WDR33: variants seen among roughly 807,000 people sequenced by gnomAD.
WDR33 encodes the protein WD repeat domain 33, also known as pre-mRNA 3' end processing protein WDR33.
In WDR33, 47 loss-of-function variants were observed where a neutral mutation model predicts 164.9. That is an observed-to-expected ratio of 0.29 (90% CI 0.23 to 0.36). WDR33 has a LOEUF of 0.36. Ranked by LOEUF, WDR33 falls within the 10% of genes least tolerant of loss-of-function variation. WDR33 has a pLI of 1.00. For synonymous variants in WDR33, 505 were observed against 589.0 expected (o/e 0.86, Z 2.06); for missense variants, 1,137 against 1,754.1 (o/e 0.65, Z 6.28).
chr2:127,717,780 T>G lies in WDR33; in HGVS notation c.2761-517A>C, dbSNP rs1328666248. The stretch of plus-strand genomic sequence containing the variant: ...CCCATGTATAAAATCTTTTACTACA[T>G]GGTACAATAAAAAATCTCATTGAAT... On this transcript the variant is annotated intron_variant, in intron 16 of 21. Transcript: ENST00000322313. The surrounding 1 kb of genome is among the most constrained non-coding windows in gnomAD (Gnocchi z 5.6). 6.6e-6 allele frequency among the ~76,000 whole-genome samples: 1 copy of G among 152,238 alleles called. No homozygotes were observed. The highest frequency in any genetic ancestry group is 2.4e-5 in the African/African-American group (1 of 41,464).
At chr2:127,755,562 T>A (rs543806037) in intron 7 of WDR33, among the ~76,000 whole-genome samples, 45 of 152,334 alleles carry the variant, frequency 3.0e-4, no homozygotes, top group African/African-American at 1.0e-3. Flanking sequence ...TATTTCTCAA[T>A]GGAAGCAGTA....
rs140393296 is a variant in WDR33 at position 127,751,096 on chromosome 2, C to A, written c.724+11966G>T. ...AGATTGATGGCAAGGCACGGTGGCTCATGCCTATAATCTCAGTACTTTGGA... is the reference window on the plus strand; with the variant it reads ...AGATTGATGGCAAGGCACGGTGGCTAATGCCTATAATCTCAGTACTTTGGA... On this transcript the variant is annotated intron_variant, in intron 7 of 21. Transcript: ENST00000322313. Among the ~76,000 whole-genome samples the A allele has an allele frequency of 8.4e-3, 1,284 of 152,020 alleles. 11 individuals carry two copies. Among genetic ancestry groups the A allele is most frequent in the Non-Finnish European group, 0.012 (813 of 67,980 alleles).
chr2:127,727,109 T>C (rs1686590008), intron 7 of WDR33, among the ~76,000 whole-genome samples: 2 of 152,168 alleles, frequency 1.3e-5, no homozygotes, highest in Admixed American at 6.5e-5. Context: ...TTGTTCCCGA[T>C]TACCCTGATT....
At chr2:127,793,263 T>A (rs962671765) in intron 1 of WDR33, among the ~76,000 whole-genome samples, 2 of 151,728 alleles carry the variant, frequency 1.3e-5, no homozygotes, top group Non-Finnish European at 2.9e-5. Flanking sequence ...AAACCCCGTC[T>A]CCACTAAAAA....
At position 127,705,603 on chromosome 2, in the gene WDR33, G is replaced by A. The variant is rs558024847; in HGVS notation, c.*720C>T. 6.6e-6 allele frequency: 1 copy of A among 152,324 alleles called. No individual in the cohort carries two copies. Among genetic ancestry groups the A allele is most frequent in the African/African-American group, 2.4e-5 (1 of 41,578 alleles). The allele number at this position is 152,324 out of a possible 1,614,324, so 9.4% of individuals were successfully genotyped here. ...TGTGATTCTTAGGAGATGCTTCCAA[G>A]GGGAAGCTCCCTCGTTGGACATCCA... is the stretch of plus-strand genomic sequence containing the variant. On this transcript the variant is annotated 3_prime_UTR_variant, in exon 22 of 22. Transcript: ENST00000322313. The surrounding 1 kb of genome is among the most constrained non-coding windows in gnomAD (Gnocchi z 4.5).
At chr2:127,711,424 CA>C (rs1197934586) in intron 18 of WDR33, among the ~76,000 whole-genome samples, 1,232 of 53,760 alleles carry the variant, frequency 0.023, 7 homozygotes, top group East Asian at 0.045. Context: ...GATTCCCTCT[CA>C]AAAAAAAAAA....
rs145012730 is a variant in WDR33, at chr2:127,760,150, C to T, written c.724+2912G>A. Reference sequence around the variant, plus strand: ...AATTCATGTGAAGTAAGGAATATTACATCACTGAGAATGTCTGTGAGTAGA... The same window carrying T: ...AATTCATGTGAAGTAAGGAATATTATATCACTGAGAATGTCTGTGAGTAGA... On this transcript the variant is annotated intron_variant, in intron 7 of 21. Transcript: ENST00000322313. 6.0e-4 allele frequency among the ~76,000 whole-genome samples: 91 copies of T among 152,278 alleles called. No homozygotes were observed. In the East Asian group the frequency reaches 0.016, roughly 27 times the overall value.
At position 127,784,369 on chromosome 2, in the gene WDR33, T is replaced by C. The variant is rs574832849; in HGVS notation, c.-23-13365A>G. ...GAAATACTAACTGCAATGTGTCATC[T>C]GAAATCATATTTTTTATTCTTTTTT... On this transcript the variant is annotated intron_variant, in intron 1 of 21. Transcript: ENST00000322313. Among the ~76,000 whole-genome samples the C allele has an allele frequency of 1.1e-4, 16 of 152,352 alleles. No individual in the cohort carries two copies. In the South Asian group the frequency reaches 2.9e-3, roughly 28 times the overall value.
chr2:127,771,785 G>T (rs953762798), intron 1 of WDR33, among the ~76,000 whole-genome samples: 2 of 136,500 alleles, frequency 1.5e-5, no homozygotes, highest in Non-Finnish European at 3.2e-5. Flanking sequence ...TGGAAAGAAG[G>T]AAGGAGGGAG....
chr2:127,751,338 G>C (rs1263396113), intron 7 of WDR33, among the ~76,000 whole-genome samples: 1 of 149,662 alleles, frequency 6.7e-6, no homozygotes, highest in African/African-American at 2.5e-5. Context: ...TCCAGCCTGA[G>C]TGACAGAGCA....
chr2:127,775,310 T>A (rs1027744771), intron 1 of WDR33, among the ~76,000 whole-genome samples: 1 of 152,198 alleles, frequency 6.6e-6, no homozygotes, highest in Admixed American at 6.5e-5. Context: ...TACCTCTGCC[T>A]CCCAAGTAGC....
chr2:127,703,525 C>G lies in WDR33; in HGVS notation c.*2798G>C, dbSNP rs1319709184. The G allele has an allele frequency of 6.0e-6, 1 of 167,146 alleles. No homozygotes were observed. The highest frequency in any genetic ancestry group is 1.5e-5 in the Non-Finnish European group (1 of 68,144). The allele number at this position is 167,146 out of a possible 1,614,324, so 10.4% of individuals were successfully genotyped here. On this transcript the variant is annotated 3_prime_UTR_variant, in exon 22 of 22. Coordinates refer to ENST00000322313, the MANE Select transcript of WDR33 (RefSeq NM_018383.5). ...CTAAGCCCCGTCCCAAGAAGTGACA[C>G]AAGTGGCCAACATCCACACTGTAGG...
In WDR33 at chr2:127,706,169, T is replaced by C; in HGVS notation, c.*154A>G. On this transcript the variant is annotated 3_prime_UTR_variant, in exon 22 of 22. Transcript: ENST00000322313. This position sits in a 1 kb window ranked among gnomAD's most constrained non-coding sequence, Gnocchi z 5.1. ...CTGGTAGCTGGCAGCAGTCTCTTCA[T>C]CTTGAAGACCTCATTGAGGGTTCCT... is the stretch of plus-strand genomic sequence containing the variant. 1.7e-6 allele frequency: 1 copy of C among 602,072 alleles called. No homozygotes were observed. The highest frequency in any genetic ancestry group is 2.6e-6 in the Non-Finnish European group (1 of 385,368). 37.3% of individuals were successfully genotyped at this position (602,072 alleles called of 1,614,324 possible). A position where few individuals can be genotyped will look rare whatever the true frequency, so the allele number is the denominator to read the frequency against.
chr2:127,713,384 T>C lies in WDR33; in HGVS notation c.3308+199A>G, dbSNP rs1417488135. 6.6e-6 allele frequency among the ~76,000 whole-genome samples: 1 copy of C among 152,234 alleles called. No individual in the cohort carries two copies. The highest frequency in any genetic ancestry group is 2.4e-5 in the African/African-American group (1 of 41,460). On this transcript the variant is annotated intron_variant, in intron 18 of 21. Coordinates refer to ENST00000322313, the MANE Select transcript of WDR33 (RefSeq NM_018383.5). This position sits in a 1 kb window ranked among gnomAD's most constrained non-coding sequence, Gnocchi z 6.2. ...AAATAAACAAAACGAAAAAGATTTC[T>C]AGACAGCAAAGATTAAAACAAGACT...
Position 127,739,493 on chromosome 2 carries a change from A to T in WDR33, c.725-12716T>A, listed in dbSNP as rs531581192. Among the ~76,000 whole-genome samples, 3 of 152,382 alleles carry T rather than the reference A, an allele frequency of 2.0e-5. No homozygotes were observed. The South Asian group carries it at 6.2e-4, about 32-fold the overall frequency. The stretch of plus-strand genomic sequence containing the variant: ...GTGCTCATATGCTACATAATGGCTA[A>T]TAGTAAAAAATTTCCAGTAAACTGG... On this transcript the variant is annotated intron_variant, in intron 7 of 21. Transcript: ENST00000322313.
intron 7 of WDR33, among the ~76,000 whole-genome samples, chr2:127,727,840 T>C (rs934478890): frequency 2.0e-5 from 3 of 152,146 alleles, no homozygotes; most frequent in Admixed American, 2.0e-4. Flanking sequence ...TGTGAAGTTC[T>C]GAGGTGGAAA....
chr2:127,701,178 T>C lies in WDR33; in HGVS notation c.*5145A>G, dbSNP rs1685868384. 1.1e-5 allele frequency: 2 copies of C among 187,028 alleles called. No individual in the cohort carries two copies. The allele number at this position is 187,028 out of a possible 1,614,324, so 11.6% of individuals were successfully genotyped here. A position where few individuals can be genotyped will look rare whatever the true frequency, so the allele number is the denominator to read the frequency against. ...GTAGACGCAGTGAGGCCATAAGACA[T>C]TTCCGTCAGCAAAAGGGTCACTTCT... is the stretch of plus-strand genomic sequence containing the variant. On this transcript the variant is annotated 3_prime_UTR_variant, in exon 22 of 22. Transcript: ENST00000322313.
rs1346387728 is a variant in WDR33 at position 127,701,280 on chromosome 2, G to C, written c.*5043C>G. ...CAGGACTTAGCCAGACCGCAAGGGC[G>C]CCTACTCCGAACAAGGAAGAGGGTC... On this transcript the variant is annotated 3_prime_UTR_variant, in exon 22 of 22. Coordinates refer to ENST00000322313, the MANE Select transcript of WDR33 (RefSeq NM_018383.5). 1 of 329,238 alleles carries C rather than the reference G, an allele frequency of 3.0e-6. No homozygotes were observed. Among genetic ancestry groups the C allele is most frequent in the African/African-American group, 2.1e-5 (1 of 46,544 alleles). The allele number at this position is 329,238 out of a possible 1,614,324, so 20.4% of individuals were successfully genotyped here. A position where few individuals can be genotyped will look rare whatever the true frequency, so the allele number is the denominator to read the frequency against.
rs1316730495 is a variant in WDR33 at position 127,721,678 on chromosome 2, T to C, written c.1671+158A>G. Among the ~76,000 whole-genome samples, 1 of 152,190 alleles carries C rather than the reference T, an allele frequency of 6.6e-6. No homozygotes were observed. The highest frequency in any genetic ancestry group is 6.5e-5 in the Admixed American group (1 of 15,286). On this transcript the variant is annotated intron_variant, in intron 15 of 21. Coordinates refer to ENST00000322313, the MANE Select transcript of WDR33 (RefSeq NM_018383.5). The surrounding 1 kb of genome is among the most constrained non-coding windows in gnomAD (Gnocchi z 4.9). ...TTTAAAAAATTTTAAGAAACAGGATTCTTTTGGAAACTAGTCTTCTAGCAT... is the reference window on the plus strand; with the variant it reads ...TTTAAAAAATTTTAAGAAACAGGATCCTTTTGGAAACTAGTCTTCTAGCAT...
Sources: allele counts gnomAD v4.1 joint callset (sites outside exome capture counted in the v4.1 genomes callset), GRCh38; gene constraint gnomAD v4.1.1; non-coding constraint Gnocchi (gnomAD v3.1); transcripts MANE v1.5; gene names NCBI Gene and HGNC (gene_info 2026-07-23, HGNC 2026-07-21).